The following L3MBTL4 variants were observed in gnomAD, a reference collection of about 807,000 sequenced individuals.
L3MBTL4 encodes lethal(3)malignant brain tumor-like protein 4.
L3MBTL4 carries 70 observed loss-of-function variants against 84.5 expected under a neutral mutation model. The observed-to-expected ratio is 0.83, with a 90% CI of 0.68 to 1.01. The LOEUF (loss-of-function observed/expected upper bound fraction) is 1.01, where lower values mean the gene tolerates loss of function less well. Ranked by LOEUF, L3MBTL4 falls within the 50% of genes least tolerant of loss-of-function variation. The probability of loss-of-function intolerance (pLI) is 0.00; values close to 1 mark genes in which losing one functional copy is unlikely to be tolerated. For missense variants in L3MBTL4, 715 were observed against 754.8 expected, an observed-to-expected ratio of 0.95 and a Z score of 0.62; for synonymous variants, 274 against 259.8, an observed-to-expected ratio of 1.05 and a Z score of -0.52.
At chr18:5,958,127 G>GAAA (rs1319412601) in intron 18 of L3MBTL4, among the ~76,000 whole-genome samples, 1 of 51,032 alleles carries the variant, frequency 2.0e-5, no homozygotes, top group African/African-American at 7.2e-5. Flanking sequence ...AGAAGAAGAA[G>GAAA]AAAAAGAAGA....
At chr18:5,997,511 T>G (rs2054027577) in intron 16 of L3MBTL4, among the ~76,000 whole-genome samples, 1 of 152,206 alleles carries the variant, frequency 6.6e-6, no homozygotes, top group Non-Finnish European at 1.5e-5. Flanking sequence ...ACTATCCCTC[T>G]ACCTTCCTCT....
chr18:5,993,620 T>A (rs2053806324), intron 16 of L3MBTL4, among the ~76,000 whole-genome samples: 1 of 152,190 alleles, frequency 6.6e-6, no homozygotes. Context: ...TACTACTTGT[T>A]GCTCACCAAA....
chr18:5,968,762 T>C (rs1338799052), intron 17 of L3MBTL4, among the ~76,000 whole-genome samples: 1 of 150,174 alleles, frequency 6.7e-6, no homozygotes. Context: ...ATAACCAATA[T>C]TGTAAGGCAT....
intron 12 of L3MBTL4, among the ~76,000 whole-genome samples, chr18:6,189,588 G>A (rs2044964060): frequency 6.6e-6 from 1 of 152,138 alleles, no homozygotes. Flanking sequence ...TGATCCAGAT[G>A]TTAAAACTAG....
chr18:6,406,243 C>T (rs1289292751), intron 1 of L3MBTL4, among the ~76,000 whole-genome samples: 1 of 152,186 alleles, frequency 6.6e-6, no homozygotes, highest in Non-Finnish European at 1.5e-5. Context: ...TAAATGTGGG[C>T]AAATTGGTCT....
At chr18:6,270,100 C>T (rs766304357) in intron 4 of L3MBTL4, among the ~76,000 whole-genome samples, 6 of 152,148 alleles carry the variant, frequency 3.9e-5, no homozygotes, top group Non-Finnish European at 8.8e-5. Context: ...CTGTCAGTGG[C>T]AACCAACCAC....
At chr18:6,003,640 T>C (rs1025664606) in intron 16 of L3MBTL4, among the ~76,000 whole-genome samples, 2 of 152,104 alleles carry the variant, frequency 1.3e-5, no homozygotes, top group African/African-American at 4.8e-5. Context: ...GGATAGACTA[T>C]ATATTAAGCC....
chr18:6,017,957 A>C (rs2055075090), intron 16 of L3MBTL4: 1 of 152,194 alleles, frequency 6.6e-6, no homozygotes, highest in South Asian at 2.1e-4. Flanking sequence ...GCTTACAAAA[A>C]AATGTCCTGT....
chr18:6,313,233 T>C (rs917952156), intron 1 of L3MBTL4, among the ~76,000 whole-genome samples: 6 of 152,218 alleles, frequency 3.9e-5, no homozygotes, highest in Admixed American at 6.5e-5. Flanking sequence ...TATGTGTTTA[T>C]TGACTCCAAC....
At chr18:6,121,225 G>A (rs1188033267) in intron 14 of L3MBTL4, among the ~76,000 whole-genome samples, 1 of 152,112 alleles carries the variant, frequency 6.6e-6, no homozygotes, top group Non-Finnish European at 1.5e-5. Context: ...TATTTACTTT[G>A]GATTATTGCC....
chr18:6,146,330 G>A (rs1185704933), intron 13 of L3MBTL4, among the ~76,000 whole-genome samples: 4 of 152,238 alleles, frequency 2.6e-5, no homozygotes, highest in Admixed American at 6.5e-5. Context: ...CCCATGGCGA[G>A]TTCGTGTCCA....
intron 14 of L3MBTL4, among the ~76,000 whole-genome samples, chr18:6,101,665 A>G (rs1480016933): frequency 1.3e-5 from 2 of 152,178 alleles, no homozygotes; most frequent in East Asian, 3.9e-4. Context: ...GAATCCACTC[A>G]TGTGTCAGTC....
At chr18:6,196,840 C>T (rs756201517) in intron 12 of L3MBTL4, among the ~76,000 whole-genome samples, 11 of 152,202 alleles carry the variant, frequency 7.2e-5, no homozygotes, top group Non-Finnish European at 1.5e-4. Flanking sequence ...TGCCTGTAGC[C>T]AGACCCATGT....
chr18:6,193,875 T>C (rs2045248723), intron 12 of L3MBTL4, among the ~76,000 whole-genome samples: 1 of 152,180 alleles, frequency 6.6e-6, no homozygotes, highest in Non-Finnish European at 1.5e-5. Flanking sequence ...CCTCCTAACT[T>C]GAGCTATTTG....
chr18:6,186,288 C>G (rs1018299517), intron 12 of L3MBTL4, among the ~76,000 whole-genome samples: 2 of 152,006 alleles, frequency 1.3e-5, no homozygotes, highest in Admixed American at 6.6e-5. Context: ...GTGATCTGCC[C>G]ACCTTGGCCT....
At chr18:6,133,711 T>G (rs1000704481) in intron 14 of L3MBTL4, among the ~76,000 whole-genome samples, 3 of 152,092 alleles carry the variant, frequency 2.0e-5, no homozygotes, top group African/African-American at 4.8e-5. Context: ...CGACTGTCTC[T>G]CTAAAATAAT....
chr18:6,329,528 A>G (rs1345638076), intron 1 of L3MBTL4, among the ~76,000 whole-genome samples: 1 of 152,208 alleles, frequency 6.6e-6, no homozygotes, highest in Non-Finnish European at 1.5e-5. Flanking sequence ...TGCTTATAAC[A>G]TAACACATGA....
At chr18:6,071,758 AAAAAAAGAAAGAAAGAAAG>A (rs1568066540) in intron 16 of L3MBTL4, among the ~76,000 whole-genome samples, 27,337 of 139,952 alleles carry the variant, frequency 0.2, 3,092 homozygotes, top group Middle Eastern at 0.27. Flanking sequence ...AGAAAGAAAG[AAAAAAAGAAAGAAAGAAAG>A]AAAGAAAGAA....
At chr18:6,071,298 T>A (rs956403425) in intron 16 of L3MBTL4, among the ~76,000 whole-genome samples, 1 of 149,766 alleles carries the variant, frequency 6.7e-6, no homozygotes, top group Non-Finnish European at 1.5e-5. Context: ...GGCTGAGGCA[T>A]CAGAATCACT....
Sources: allele counts gnomAD v4.1 joint callset (sites outside exome capture counted in the v4.1 genomes callset), GRCh38; gene constraint gnomAD v4.1.1; transcripts MANE v1.5; gene names NCBI Gene and HGNC (gene_info 2026-07-23, HGNC 2026-07-21).